Variants in GALC observed in about 807,000 individuals in gnomAD.
The protein encoded by GALC is galactosylceramidase.
In GALC, 77 loss-of-function variants were observed where a neutral mutation model predicts 91.8. That is an observed-to-expected ratio of 0.84 (90% CI 0.70 to 1.01). The LOEUF (loss-of-function observed/expected upper bound fraction) is 1.01. Ranked by LOEUF, GALC falls within the 50% of genes least tolerant of loss-of-function variation. The pLI is 0.00. For missense variants in GALC, 882 were observed against 855.9 expected, an observed-to-expected ratio of 1.03 and a Z score of -0.38; for synonymous variants, 357 against 306.7, an observed-to-expected ratio of 1.16 and a Z score of -1.71.
rs370953117 is a variant in GALC, at chr14:87,986,472, C to T, written c.442+17G>A. On this transcript the variant is annotated intron_variant, in intron 4 of 16. Coordinates refer to ENST00000261304, the MANE Select transcript of GALC (RefSeq NM_000153.4). ...AGGAAAAGAGACTGAAGAAACATTGCAAACTTCATTTCTTACCAATGAGTG... is the reference window on the plus strand; with the variant it reads ...AGGAAAAGAGACTGAAGAAACATTGTAAACTTCATTTCTTACCAATGAGTG... The T allele has an allele frequency of 4.8e-6, 7 of 1,453,746 alleles. No homozygotes were observed. The South Asian group carries it at 8.0e-5, about 17-fold the overall frequency. The allele number at this position is 1,453,746 out of a possible 1,614,324, so 90.1% of individuals were successfully genotyped here.
At chr14:87,936,896 C>CCATATATATATATATATATA (rs1555378200) in intron 16 of GALC, among the ~76,000 whole-genome samples, 11 of 3,548 alleles carry the variant, frequency 3.1e-3, no homozygotes, top group Admixed American at 8.2e-3. Flanking sequence ...ATATCAGGTA[C>CCATATATATATATATATATA]TATATATATA....
intron 10 of GALC, chr14:87,953,566 T>A: frequency 4.3e-6 from 7 of 1,609,596 alleles, no homozygotes; most frequent in Non-Finnish European, 5.9e-6. Flanking sequence ...TATTGAGTTG[T>A]GTAGCTCAGG....
chr14:87,954,760 T>C (rs991842613), intron 10 of GALC: 4 of 1,579,076 alleles, frequency 2.5e-6, no homozygotes, highest in East Asian at 4.5e-5. Context: ...GTATTTCTTT[T>C]CTTCTCTTCC....
intron 15 of GALC, among the ~76,000 whole-genome samples, chr14:87,940,854 A>G (rs1455762886): frequency 6.6e-6 from 1 of 151,972 alleles, no homozygotes; most frequent in African/African-American, 2.4e-5. Context: ...GACACAGTTC[A>G]ATCTGAACAT....
At chr14:87,955,831 C>A (rs1032038461) in intron 10 of GALC, among the ~76,000 whole-genome samples, 3 of 151,930 alleles carry the variant, frequency 2.0e-5, no homozygotes, top group African/African-American at 7.3e-5. Flanking sequence ...TGTTCTCTCA[C>A]TGTGATTGTA....
intron 6 of GALC, chr14:87,976,954 G>GAA: frequency 8.6e-6 from 1 of 116,496 alleles, no homozygotes; most frequent in Non-Finnish European, 1.7e-5. Context: ...AATGTAAAAA[G>GAA]AAAAAAAAAA....
chr14:87,949,241 G>A (rs991862924), intron 12 of GALC, among the ~76,000 whole-genome samples: 3 of 152,038 alleles, frequency 2.0e-5, no homozygotes, highest in African/African-American at 7.2e-5. Flanking sequence ...TTTGAAAAAT[G>A]TAAGTTTAGT....
Position 87,934,240 on chromosome 14 carries a change from G to T in GALC, c.*492C>A, listed in dbSNP as rs929736164. The stretch of plus-strand genomic sequence containing the variant: ...CTTTTTAGAGCATAAAGCATAACAG[G>T]TTGAAGTGGTTTTCAAAAAGCTACT... On this transcript the variant is annotated 3_prime_UTR_variant, in exon 17 of 17. Transcript: ENST00000261304. The T allele has an allele frequency of 3.7e-6, 5 of 1,352,116 alleles. No individual in the cohort carries two copies. The highest frequency in any genetic ancestry group is 4.8e-6 in the Non-Finnish European group (5 of 1,052,064). 83.8% of individuals were successfully genotyped at this position (1,352,116 alleles called of 1,614,324 possible).
At chr14:87,957,835 A>T (rs1054237570) in intron 10 of GALC, among the ~76,000 whole-genome samples, 4 of 152,186 alleles carry the variant, frequency 2.6e-5, no homozygotes, top group African/African-American at 9.6e-5. Context: ...ATTATACAAA[A>T]CATGGCTGAA....
intron 7 of GALC, among the ~76,000 whole-genome samples, chr14:87,972,279 A>G (rs1330080497): frequency 1.3e-5 from 2 of 152,182 alleles, no homozygotes; most frequent in Admixed American, 1.3e-4. Context: ...GGCTGAAATA[A>G]CAGCTACTAT....
intron 16 of GALC, among the ~76,000 whole-genome samples, chr14:87,938,742 C>T (rs905714045): frequency 2.0e-5 from 3 of 151,792 alleles, no homozygotes; most frequent in African/African-American, 4.8e-5. Flanking sequence ...AACAAGAAGG[C>T]CTTATTTAAA....
Position 87,993,174 on chromosome 14 carries a change from C to T in GALC, c.-10G>A. The T allele has an allele frequency of 6.3e-7, 1 of 1,583,850 alleles. No individual in the cohort carries two copies. On this transcript the variant is annotated 5_prime_UTR_variant, in exon 1 of 17. It removes the in-frame stop codon of an upstream open reading frame in the 5' UTR. Transcript: ENST00000261304. ...GTAGCCACTCAGCCATTGTGTGGGT[C>T]ACATGACTCCGGCGCCCAGGGAGGC...
intron 7 of GALC, among the ~76,000 whole-genome samples, chr14:87,973,828 T>C (rs924029684): frequency 6.6e-6 from 1 of 152,188 alleles, no homozygotes; most frequent in South Asian, 2.1e-4. Context: ...CGGATTCCAG[T>C]GGCACCGCCC....
chr14:87,933,874 T>C lies in GALC; in HGVS notation c.*858A>G. 1.1e-6 allele frequency: 1 copy of C among 930,492 alleles called. No individual in the cohort carries two copies. Among genetic ancestry groups the C allele is most frequent in the Non-Finnish European group, 1.6e-6 (1 of 608,300 alleles). The allele number at this position is 930,492 out of a possible 1,614,324, so 57.6% of individuals were successfully genotyped here. A position where few individuals can be genotyped will look rare whatever the true frequency, so the allele number is the denominator to read the frequency against. On this transcript the variant is annotated 3_prime_UTR_variant, in exon 17 of 17. Coordinates refer to ENST00000261304, the MANE Select transcript of GALC (RefSeq NM_000153.4). The stretch of plus-strand genomic sequence containing the variant: ...TTCCACACATAAGGAGAGAAAAGCA[T>C]TCATCAGCTGTGTGAGTCTGTTACC...
intron 16 of GALC, among the ~76,000 whole-genome samples, chr14:87,937,959 A>T (rs1370549706): frequency 2.0e-5 from 3 of 151,780 alleles, no homozygotes; most frequent in African/African-American, 4.8e-5. Context: ...TCCTAAATTG[A>T]TGTGTAAATT....
At chr14:87,954,138 G>T in intron 10 of GALC, 1 of 1,607,840 alleles carries the variant, frequency 6.2e-7, no homozygotes, top group Non-Finnish European at 8.5e-7. Flanking sequence ...TGTAGTTAGT[G>T]ATGTTGTACT....
chr14:87,949,310 C>G (rs953862576), intron 12 of GALC, among the ~76,000 whole-genome samples: 2 of 151,926 alleles, frequency 1.3e-5, no homozygotes, highest in Non-Finnish European at 2.9e-5. Flanking sequence ...AGTCTTCTAC[C>G]TTCTGGGAGG....
rs540543634 is a variant in GALC at position 87,935,157 on chromosome 14, C to T, written c.1912-279G>A. Among the ~76,000 whole-genome samples the T allele has an allele frequency of 3.3e-5, 5 of 152,110 alleles. No individual in the cohort carries two copies. The South Asian group carries it at 1.0e-3, about 32-fold the overall frequency. ...ACCAAAATTTAAAACCAACAAAATG[C>T]AAAACTTTTCAGGCATTATTATAAA... On this transcript the variant is annotated intron_variant, in intron 16 of 16. Transcript: ENST00000261304.
chr14:87,977,652 A>T (rs552585393), intron 6 of GALC, among the ~76,000 whole-genome samples: 1 of 152,338 alleles, frequency 6.6e-6, no homozygotes, highest in South Asian at 2.1e-4. Flanking sequence ...GGCACATAGC[A>T]GCAGATGCTC....
Sources: gnomAD v4.1 joint callset for allele counts (sites outside exome capture counted in the v4.1 genomes callset) on GRCh38, gnomAD v4.1.1 for gene constraint, MANE v1.5 for transcripts, NCBI Gene and HGNC (gene_info 2026-07-23, HGNC 2026-07-21) for gene names.